Variants in HNRNPH1 observed in about 807,000 individuals in gnomAD.
HNRNPH1 encodes the protein heterogeneous nuclear ribonucleoprotein H.
In HNRNPH1, 4 loss-of-function variants were observed where a neutral mutation model predicts 58.6. That is an observed-to-expected ratio of 0.07 (90% confidence interval 0.03 to 0.16). The LOEUF (loss-of-function observed/expected upper bound fraction) is 0.16. Ranked by LOEUF, HNRNPH1 falls within the 10% of genes least tolerant of loss-of-function variation. HNRNPH1 has a pLI of 1.00. For synonymous variants in HNRNPH1, 192 were observed against 189.2 expected (o/e 1.01, Z -0.12); for missense variants, 271 against 564.2 (o/e 0.48, Z 5.26).
chr5:179,630,691 C>A (rs1407703059), intron 2 of HNRNPH1, among the ~76,000 whole-genome samples: 1 of 152,030 alleles, frequency 6.6e-6, no homozygotes, highest in Non-Finnish European at 1.5e-5. Context: ...GTGGGCGGAT[C>A]ACAAGGTCAA....
chr5:179,616,823 TAC>T (rs754066115), intron 10 of HNRNPH1, 44 bp downstream of exon 11: 4 of 1,441,830 alleles, frequency 2.8e-6, no homozygotes, highest in Non-Finnish European at 3.9e-6. Context: ...AATTGACTTA[TAC>T]AGATATAAAC....
chr5:179,617,403 C>T, intron 8 of HNRNPH1, 111 bp downstream of exon 9: 1 of 1,257,104 alleles, frequency 8.0e-7, no homozygotes, highest in Non-Finnish European at 1.1e-6. Context: ...AAGAATTAAT[C>T]TATTACTGGA....
intron 2 of HNRNPH1, among the ~76,000 whole-genome samples, chr5:179,631,438 C>A (rs1774822100): frequency 6.6e-6 from 1 of 151,866 alleles, no homozygotes; most frequent in African/African-American, 2.4e-5. Flanking sequence ...ATATTGAGGC[C>A]CCATCTCTAC....
intron 10 of HNRNPH1, 170 bp downstream of exon 11, chr5:179,616,698 CT>C (rs1350286926): frequency 1.6e-6 from 1 of 639,952 alleles, no homozygotes; most frequent in East Asian, 2.7e-5. Flanking sequence ...TCCTAAGGAA[CT>C]TCATAACTCA....
intron 2 of HNRNPH1, among the ~76,000 whole-genome samples, chr5:179,632,890 G>T: frequency 8.8e-6 from 1 of 114,172 alleles, no homozygotes; most frequent in Non-Finnish European, 1.6e-5. Flanking sequence ...ACGGAGTCCT[G>T]CTCTGTCGCC....
exon 13 of HNRNPH1, chr5:179,614,593 A>G (rs1768546439): frequency 3.1e-6 from 1 of 323,716 alleles, no homozygotes; most frequent in East Asian, 5.4e-5. Context: ...ACATCCTATA[A>G]CTAACTTGAG....
intron 8 of HNRNPH1, 24 bp from the exon 10 acceptor site, chr5:179,617,134 G>C: frequency 6.2e-7 from 1 of 1,606,562 alleles, no homozygotes; most frequent in Non-Finnish European, 8.5e-7. Flanking sequence ...AAAAAAGTTT[G>C]AAAATGTTTG....
At chr5:179,616,286 G>GT in intron 10 of HNRNPH1, 68 bp from the exon 12 acceptor site, 1 of 1,194,854 alleles carries the variant, frequency 8.4e-7, no homozygotes, top group South Asian at 1.2e-5. Context: ...TACCGGGCTT[G>GT]TAATTCTATA....
chr5:179,618,380 T>C (rs1770782550), intron 4 of HNRNPH1, 57 bp from the exon 6 acceptor site: 1 of 1,194,812 alleles, frequency 8.4e-7, no homozygotes, highest in African/African-American at 1.5e-5. Flanking sequence ...TTAGTTCATT[T>C]TATACAGGTA....
At chr5:179,619,129 G>GAC (rs1206440526) in intron 4 of HNRNPH1, 140 bp downstream of exon 5, 1 of 747,340 alleles carries the variant, frequency 1.3e-6, no homozygotes, top group Admixed American at 2.9e-5. Flanking sequence ...ACGTGGGACT[G>GAC]ACACAAGTTT....
chr5:179,627,967 C>A (rs923870091), upstream of HNRNPH1, among the ~76,000 whole-genome samples: 4 of 146,408 alleles, frequency 2.7e-5, no homozygotes, highest in African/African-American at 1.0e-4. Flanking sequence ...TGATTACAGG[C>A]ATGCACCATC....
At chr5:179,629,776 A>G (rs1305028498) in intron 2 of HNRNPH1, among the ~76,000 whole-genome samples, 1 of 152,092 alleles carries the variant, frequency 6.6e-6, no homozygotes, top group Non-Finnish European at 1.5e-5. Flanking sequence ...TAATCCCAGC[A>G]CTTTGGGAGG....
exon 5 of HNRNPH1, chr5:179,618,270 G>A: frequency 6.2e-7 from 1 of 1,613,976 alleles, no homozygotes; most frequent in Non-Finnish European, 8.5e-7. Flanking sequence ...CTTTCGTGGT[G>A]GATCATAATG....
At chr5:179,630,215 G>A (rs1774718104) in intron 2 of HNRNPH1, among the ~76,000 whole-genome samples, 1 of 152,066 alleles carries the variant, frequency 6.6e-6, no homozygotes, top group African/African-American at 2.4e-5. Context: ...CAGGCGTGCT[G>A]GCAGATGCCT....
At chr5:179,631,055 T>C (rs1444152077) in intron 2 of HNRNPH1, among the ~76,000 whole-genome samples, 1 of 152,168 alleles carries the variant, frequency 6.6e-6, no homozygotes, top group African/African-American at 2.4e-5. Context: ...ATAGGGAAGC[T>C]TTAGAAAACA....
exon 1 of HNRNPH1, chr5:179,623,046 A>C (rs778721606): frequency 6.4e-7 from 1 of 1,574,720 alleles, no homozygotes; most frequent in Non-Finnish European, 8.7e-7. Flanking sequence ...CCAGAAAAAA[A>C]CCTCTGCACT....
At chr5:179,632,552 C>T (rs1040400689) in intron 2 of HNRNPH1, among the ~76,000 whole-genome samples, 2 of 152,168 alleles carry the variant, frequency 1.3e-5, no homozygotes, top group African/African-American at 2.4e-5. Context: ...GAAACAAAGG[C>T]GTCCCCACAG....
chr5:179,621,097 T>C, intron 2 of HNRNPH1, 62 bp from the exon 4 acceptor site: 8 of 1,576,438 alleles, frequency 5.1e-6, no homozygotes, highest in Non-Finnish European at 6.1e-6. Flanking sequence ...TCAGACTTCC[T>C]GGGTCTTTAG....
At chr5:179,618,477 A>C in intron 4 of HNRNPH1, 154 bp from the exon 6 acceptor site, 1 of 525,330 alleles carries the variant, frequency 1.9e-6, no homozygotes, top group East Asian at 3.1e-5. Flanking sequence ...ATAGGCAATG[A>C]CCAGAAATTC....
Sources: gnomAD v4.1 joint callset for allele counts (sites outside exome capture counted in the v4.1 genomes callset) on GRCh38, gnomAD v4.1.1 for gene constraint, MANE v1.5 for transcripts, NCBI Gene and HGNC (gene_info 2026-07-23, HGNC 2026-07-21) for gene names.